Variants in SLC44A5 observed in about 807,000 individuals in gnomAD.
SLC44A5 encodes solute carrier family 44 member 5.
In SLC44A5, 57 loss-of-function variants were observed where a neutral mutation model predicts 101.8. The ratio of observed to expected loss-of-function variants is 0.56; its 90% CI spans 0.45 to 0.70. The LOEUF (loss-of-function observed/expected upper bound fraction) is 0.70, where lower values mean the gene tolerates loss of function less well. SLC44A5 is among the 30% of genes least tolerant of loss of function. The probability of loss-of-function intolerance (pLI) is 0.00; values close to 1 mark genes in which losing one functional copy is unlikely to be tolerated. For synonymous variants in SLC44A5, 281 were observed against 290.9 expected (o/e 0.97, Z 0.35); for missense variants, 737 against 853.1 (o/e 0.86, Z 1.70).
intron 2 of SLC44A5, among the ~76,000 whole-genome samples, chr1:75,478,406 A>G (rs1393757347): frequency 6.6e-6 from 1 of 152,214 alleles, no homozygotes; most frequent in Admixed American, 6.5e-5. Flanking sequence ...TAACAATATT[A>G]ACTTTAAATG....
chr1:75,567,753 T>C (rs1309034178), intron 1 of SLC44A5, among the ~76,000 whole-genome samples: 2 of 152,126 alleles, frequency 1.3e-5, no homozygotes, highest in African/African-American at 2.4e-5. Flanking sequence ...CTAAATACGA[T>C]TTAATAAGGC....
At chr1:75,695,785 G>A in the SLC44A5 span, among the ~76,000 whole-genome samples, 2 of 147,566 alleles carry the variant, frequency 1.4e-5, no homozygotes, top group Admixed American at 6.8e-5. Context: ...TAGTATTCAT[G>A]ATACTATGTA....
chr1:75,631,846 A>T, the SLC44A5 span, among the ~76,000 whole-genome samples: 1,173 of 151,776 alleles, frequency 7.7e-3, 13 homozygotes, highest in African/African-American at 0.027. Context: ...CAATTTTTGT[A>T]TTTTTTGTAG....
At chr1:75,612,590 A>G (rs369300126), upstream of SLC44A5, among the ~76,000 whole-genome samples, 10 of 152,186 alleles carry the variant, frequency 6.6e-5, no homozygotes, top group South Asian at 8.3e-4. Flanking sequence ...TCACTATGTG[A>G]AATTTTCTGG....
At chr1:75,717,254 T>C in the SLC44A5 span, among the ~76,000 whole-genome samples, 1 of 150,672 alleles carries the variant, frequency 6.6e-6, no homozygotes, top group Non-Finnish European at 1.5e-5. Context: ...GGCATGAGAA[T>C]CACTTGAATC....
At chr1:75,450,560 C>A (rs1025010278) in intron 2 of SLC44A5, among the ~76,000 whole-genome samples, 2 of 152,194 alleles carry the variant, frequency 1.3e-5, no homozygotes, top group South Asian at 4.1e-4. Context: ...TCCCTACCCC[C>A]CAACTGCAAT....
intron 2 of SLC44A5, among the ~76,000 whole-genome samples, chr1:75,505,058 C>T (rs1669172742): frequency 6.6e-6 from 1 of 151,992 alleles, no homozygotes; most frequent in Admixed American, 6.6e-5. Context: ...TCCATAGGTA[C>T]CCAATGTTTA....
the SLC44A5 span, among the ~76,000 whole-genome samples, chr1:75,708,191 TACCTGAGGTCAGGAGTTTGAG>T: frequency 2.6e-5 from 4 of 151,334 alleles, no homozygotes; most frequent in East Asian, 7.8e-4. Context: ...GGTGGGCAGA[TACCTGAGGTCAGGAGTTTGAG>T]ACCAGCCTGG....
chr1:75,219,728 T>C (rs1001030701), intron 15 of SLC44A5, 72 bp downstream of exon 15: 9 of 967,182 alleles, frequency 9.3e-6, no homozygotes, highest in Admixed American at 2.2e-5. Context: ...TAGAAAACAC[T>C]GAACACAAAC....
chr1:75,637,314 G>A, the SLC44A5 span, among the ~76,000 whole-genome samples: 1 of 151,942 alleles, frequency 6.6e-6, no homozygotes, highest in Admixed American at 6.6e-5. Context: ...TACATGCTAT[G>A]GGATATAATT....
chr1:75,412,791 TC>T (rs1663366537), intron 2 of SLC44A5, among the ~76,000 whole-genome samples: 1 of 152,158 alleles, frequency 6.6e-6, no homozygotes, highest in African/African-American at 2.4e-5. Context: ...AGGTGAATCA[TC>T]CCTTTGTCCA....
intron 6 of SLC44A5, among the ~76,000 whole-genome samples, chr1:75,271,565 T>A (rs1651482248): frequency 6.6e-6 from 1 of 151,212 alleles, no homozygotes; most frequent in African/African-American, 2.4e-5. Context: ...GAACACACAG[T>A]ATTTGGCTTT....
At chr1:75,456,060 C>G (rs2347217) in intron 2 of SLC44A5, among the ~76,000 whole-genome samples, 51,119 of 151,866 alleles carry the variant, frequency 0.34, 8,646 homozygotes, top group Middle Eastern at 0.41. Flanking sequence ...ACATGTACTT[C>G]CCTGTTCACT....
chr1:75,533,722 T>A (rs761473880), intron 2 of SLC44A5, among the ~76,000 whole-genome samples: 1 of 152,204 alleles, frequency 6.6e-6, no homozygotes, highest in Non-Finnish European at 1.5e-5. Flanking sequence ...CCTTTACCTA[T>A]CTGAATACAC....
chr1:75,393,381 T>C (rs896376103), intron 3 of SLC44A5, among the ~76,000 whole-genome samples: 4 of 152,216 alleles, frequency 2.6e-5, no homozygotes, highest in Admixed American at 1.3e-4. Context: ...TACATATGTA[T>C]ACATATGACA....
intron 2 of SLC44A5, among the ~76,000 whole-genome samples, chr1:75,434,902 C>A (rs1265880597): frequency 1.3e-5 from 2 of 152,044 alleles, no homozygotes; most frequent in Non-Finnish European, 1.5e-5. Context: ...TCTCATGTAC[C>A]CTGGCACTTT....
intron 3 of SLC44A5, among the ~76,000 whole-genome samples, chr1:75,364,571 G>A (rs977145096): frequency 1.6e-4 from 24 of 152,104 alleles, no homozygotes; most frequent in African/African-American, 5.8e-4. Context: ...TGAGATTTTG[G>A]TGGGAACACA....
At chr1:75,623,483 T>C in the SLC44A5 span, among the ~76,000 whole-genome samples, 1 of 152,132 alleles carries the variant, frequency 6.6e-6, no homozygotes, top group Non-Finnish European at 1.5e-5. Context: ...TTTCTCACAC[T>C]TCTTCAACTA....
chr1:75,581,586 G>A (rs1673700690), intron 1 of SLC44A5, among the ~76,000 whole-genome samples: 13 of 152,196 alleles, frequency 8.5e-5, no homozygotes, highest in Admixed American at 8.5e-4. Flanking sequence ...GATGATGTGG[G>A]AAAGGGGTAC....
Sources: allele counts gnomAD v4.1 joint callset (sites outside exome capture counted in the v4.1 genomes callset), GRCh38; gene constraint gnomAD v4.1.1; transcripts MANE v1.5; gene names NCBI Gene and HGNC (gene_info 2026-07-23, HGNC 2026-07-21).